The following HS2ST1 variants were observed in gnomAD, a reference collection of about 807,000 sequenced individuals.
HS2ST1 encodes 2-O-sulfotransferase.
In HS2ST1, 18 loss-of-function variants were observed where a neutral mutation model predicts 42.9. The ratio of observed to expected loss-of-function variants is 0.42; its 90% CI spans 0.29 to 0.62. HS2ST1 has a LOEUF of 0.62. Among genes scored for constraint, HS2ST1 ranks in the 20% least tolerant of loss-of-function variants. HS2ST1 has a pLI of 0.21. For synonymous variants in HS2ST1, 146 were observed against 152.9 expected, an observed-to-expected ratio of 0.95 and a Z score of 0.33; for missense variants, 334 against 433.8, an observed-to-expected ratio of 0.77 and a Z score of 2.04.
intron 1 of HS2ST1, among the ~76,000 whole-genome samples, chr1:86,917,689 T>G (rs1446306732): frequency 6.6e-6 from 1 of 152,260 alleles, no homozygotes; most frequent in Non-Finnish European, 1.5e-5. Context: ...TATGTCCGGC[T>G]GCTTAAGACT....
At chr1:86,950,796 A>AT (rs1183798186) in intron 1 of HS2ST1, among the ~76,000 whole-genome samples, 2 of 152,136 alleles carry the variant, frequency 1.3e-5, no homozygotes, top group African/African-American at 2.4e-5. Context: ...ACTTCATTGT[A>AT]TTTTTTTACG....
chr1:87,046,460 C>T (rs554951267), intron 1 of HS2ST1: 47 of 1,021,880 alleles, frequency 4.6e-5, no homozygotes, highest in East Asian at 3.9e-4. Flanking sequence ...TGACATTAAA[C>T]GTATTTCCAC....
chr1:86,973,592 A>C (rs1176661259), intron 1 of HS2ST1, among the ~76,000 whole-genome samples: 1 of 152,184 alleles, frequency 6.6e-6, no homozygotes. Context: ...ATGCCAGTAC[A>C]TTGTTGATTG....
chr1:87,010,062 A>AC (rs1239372628), intron 1 of HS2ST1, among the ~76,000 whole-genome samples: 2 of 151,874 alleles, frequency 1.3e-5, no homozygotes, highest in African/African-American at 4.8e-5. Flanking sequence ...AAACAAAAAA[A>AC]AAAACAAAAA....
At chr1:87,050,681 C>T (rs945825674) in intron 1 of HS2ST1, among the ~76,000 whole-genome samples, 1 of 152,034 alleles carries the variant, frequency 6.6e-6, no homozygotes, top group African/African-American at 2.4e-5. Flanking sequence ...TTCCCCAGTC[C>T]CATGGAATTT....
intron 3 of HS2ST1, 49 bp downstream of exon 3, chr1:87,084,328 AC>A: frequency 1.0e-6 from 1 of 981,470 alleles, no homozygotes; most frequent in Middle Eastern, 2.1e-4. Flanking sequence ...TACTCTAGTA[AC>A]CTAAAAAGGA....
At chr1:87,035,002 G>T (rs1650336534) in intron 1 of HS2ST1, among the ~76,000 whole-genome samples, 1 of 152,186 alleles carries the variant, frequency 6.6e-6, no homozygotes, top group African/African-American at 2.4e-5. Flanking sequence ...TGTAATGACA[G>T]AAGCAGGAGT....
At chr1:86,994,094 A>T (rs917593371) in intron 1 of HS2ST1, among the ~76,000 whole-genome samples, 1 of 151,924 alleles carries the variant, frequency 6.6e-6, no homozygotes, top group South Asian at 2.1e-4. Context: ...GAAGTATGTT[A>T]AAAAAAACAC....
intron 1 of HS2ST1, among the ~76,000 whole-genome samples, chr1:87,022,441 A>G (rs538485961): frequency 1.3e-5 from 2 of 152,340 alleles, no homozygotes; most frequent in South Asian, 2.1e-4. Context: ...TGTGAGAAAA[A>G]TGAGATTAGG....
At chr1:86,995,316 T>C (rs1297008742) in intron 1 of HS2ST1, among the ~76,000 whole-genome samples, 5 of 152,224 alleles carry the variant, frequency 3.3e-5, no homozygotes, top group Non-Finnish European at 7.4e-5. Context: ...ATATTGCATG[T>C]TTAATTACCT....
intron 1 of HS2ST1, among the ~76,000 whole-genome samples, chr1:86,987,969 A>G (rs899901230): frequency 5.9e-5 from 9 of 152,114 alleles, no homozygotes; most frequent in African/African-American, 1.9e-4. Flanking sequence ...TTTTTCAATT[A>G]CAATTCATAT....
chr1:86,992,460 G>A (rs562466803), intron 1 of HS2ST1, among the ~76,000 whole-genome samples: 19 of 151,582 alleles, frequency 1.3e-4, no homozygotes, highest in African/African-American at 3.9e-4. Flanking sequence ...TCCACCTCCC[G>A]GGTCCAAGAG....
chr1:86,983,318 C>G (rs1235882111), intron 1 of HS2ST1, among the ~76,000 whole-genome samples: 1 of 152,174 alleles, frequency 6.6e-6, no homozygotes, highest in Non-Finnish European at 1.5e-5. Context: ...TTAATTGTCT[C>G]TCAGTTCCAC....
At chr1:87,074,279 G>A (rs1489982785) in intron 2 of HS2ST1, among the ~76,000 whole-genome samples, 1 of 152,156 alleles carries the variant, frequency 6.6e-6, no homozygotes, top group Non-Finnish European at 1.5e-5. Context: ...TTTTAGCTAT[G>A]TGTGTCATAA....
rs544422758 is a variant in HS2ST1 at position 86,994,188 on chromosome 1, G to A, written c.125-78746G>A. Among the ~76,000 whole-genome samples, 9 of 152,260 alleles carry A rather than the reference G, an allele frequency of 5.9e-5. No individual in the cohort carries two copies. The East Asian group carries it at 1.7e-3, about 29-fold the overall frequency. On this transcript the variant is annotated intron_variant, in intron 1 of 6. Coordinates refer to ENST00000370550, the MANE Select transcript of HS2ST1 (RefSeq NM_012262.4). The stretch of plus-strand genomic sequence containing the variant: ...AAATTCACATTTGCTAAATCACACT[G>A]AGGGAAAGCTTAATATAATCATTTC...
chr1:86,932,001 T>C (rs61800752), intron 1 of HS2ST1, among the ~76,000 whole-genome samples: 39,585 of 151,962 alleles, frequency 0.26, 6,134 homozygotes, highest in African/African-American at 0.43. Context: ...CTTGAACTCC[T>C]GCCCTTTAAT....
intron 1 of HS2ST1, among the ~76,000 whole-genome samples, chr1:86,976,202 G>T (rs1648395862): frequency 6.6e-6 from 1 of 152,182 alleles, no homozygotes; most frequent in Non-Finnish European, 1.5e-5. Context: ...AATAGATTTT[G>T]ATTGAGAACT....
chr1:87,089,973 A>G (rs988363129), intron 3 of HS2ST1, among the ~76,000 whole-genome samples: 4 of 152,036 alleles, frequency 2.6e-5, no homozygotes, highest in Non-Finnish European at 5.9e-5. Context: ...ATGGCTCAGG[A>G]TGGAGCAGTG....
intron 1 of HS2ST1, among the ~76,000 whole-genome samples, chr1:86,997,228 G>T (rs762167180): frequency 9.2e-5 from 14 of 152,128 alleles, no homozygotes; most frequent in Non-Finnish European, 1.9e-4. Context: ...GAACTGCAGA[G>T]AACTGAATAT....
Sources: gnomAD v4.1 joint callset for allele counts (sites outside exome capture counted in the v4.1 genomes callset) on GRCh38, gnomAD v4.1.1 for gene constraint, MANE v1.5 for transcripts, NCBI Gene and HGNC (gene_info 2026-07-23, HGNC 2026-07-21) for gene names.